PAPSS2: variants seen among roughly 807,000 people sequenced by gnomAD.
PAPSS2 encodes bifunctional 3'-phosphoadenosine 5'-phosphosulfate synthase 2.
A neutral mutation model predicts 66.5 loss-of-function variants in PAPSS2; 61 were observed. The observed-to-expected ratio is 0.92, with a 90% confidence interval of 0.75 to 1.14. The LOEUF is 1.14. PAPSS2 is among the 50% of genes most tolerant of loss of function. The probability of loss-of-function intolerance (pLI) is 0.00; values close to 1 mark genes in which losing one functional copy is unlikely to be tolerated. For missense variants in PAPSS2, 708 were observed against 789.6 expected, an observed-to-expected ratio of 0.90 and a Z score of 1.24; for synonymous variants, 289 against 287.5, an observed-to-expected ratio of 1.01 and a Z score of -0.05.
rs192454355 is a variant in PAPSS2, at chr10:87,728,632, C to T, written c.1086+1143C>T. Among the ~76,000 whole-genome samples the T allele has an allele frequency of 1.7e-3, 256 of 152,120 alleles. 1 individual carries two copies. Among genetic ancestry groups the T allele is most frequent in the Non-Finnish European group, 2.2e-3 (153 of 68,002 alleles). Reference sequence around the variant, plus strand: ...GCGGGCACCTGTAATCCCAGCTACTCAGGAGGCTAAAGCACGAGAGTTGCT... The same window carrying T: ...GCGGGCACCTGTAATCCCAGCTACTTAGGAGGCTAAAGCACGAGAGTTGCT... On this transcript the variant is annotated intron_variant, in intron 9 of 12. Transcript: ENST00000456849.
chr10:87,745,370 G>C, intron 12 of PAPSS2, 139 bp downstream of exon 12: 1 of 707,248 alleles, frequency 1.4e-6, no homozygotes, highest in Non-Finnish European at 2.5e-6. Flanking sequence ...GTCAAGACGT[G>C]GTCTTATAAA....
chr10:87,661,331 C>T (rs1852750167), intron 1 of PAPSS2, among the ~76,000 whole-genome samples: 1 of 152,066 alleles, frequency 6.6e-6, no homozygotes, highest in Admixed American at 6.6e-5. Context: ...TATCAAAATC[C>T]AGCTGCCTTT....
At chr10:87,715,922 G>A in intron 7 of PAPSS2, 79 bp downstream of exon 7, 5 of 908,968 alleles carry the variant, frequency 5.5e-6, no homozygotes, top group Non-Finnish European at 9.2e-6. Flanking sequence ...GCAGGAACAG[G>A]AAGTTAGTCT....
At chr10:87,666,783 A>G (rs1272848275) in intron 1 of PAPSS2, among the ~76,000 whole-genome samples, 1 of 152,076 alleles carries the variant, frequency 6.6e-6, no homozygotes, top group African/African-American at 2.4e-5. Flanking sequence ...AAGGTCCTTG[A>G]CATGTCCCCA....
chr10:87,667,805 A>G (rs926463750), intron 1 of PAPSS2, among the ~76,000 whole-genome samples: 11 of 152,232 alleles, frequency 7.2e-5, no homozygotes, highest in African/African-American at 2.7e-4. Context: ...AGTTACATAA[A>G]TATATTATGT....
At chr10:87,723,332 A>G (rs563994450) in intron 8 of PAPSS2, among the ~76,000 whole-genome samples, 1 of 152,282 alleles carries the variant, frequency 6.6e-6, no homozygotes, top group Admixed American at 6.5e-5. Flanking sequence ...GGATTTAATC[A>G]TCTTCCATCA....
intron 1 of PAPSS2, among the ~76,000 whole-genome samples, chr10:87,663,797 G>A (rs1852783766): frequency 6.6e-6 from 1 of 152,170 alleles, no homozygotes; most frequent in Admixed American, 6.5e-5. Flanking sequence ...GCCAGACCCA[G>A]AGTTAGTGCT....
At chr10:87,666,076 G>T (rs570588475) in intron 1 of PAPSS2, among the ~76,000 whole-genome samples, 201 of 150,836 alleles carry the variant, frequency 1.3e-3, no homozygotes, top group African/African-American at 4.7e-3. Flanking sequence ...CGATTCTCAC[G>T]CCTCGGCCTC....
chr10:87,745,762 C>T lies in PAPSS2; in HGVS notation c.1722-70C>T. 5 of 1,529,706 alleles carry T rather than the reference C, an allele frequency of 3.3e-6. No individual in the cohort carries two copies. The South Asian group carries it at 4.5e-5, about 14-fold the overall frequency. 94.8% of individuals were successfully genotyped at this position (1,529,706 alleles called of 1,614,324 possible). A position where few individuals can be genotyped will look rare whatever the true frequency, so the allele number is the denominator to read the frequency against. ...AGAACATGGGTCTCAAAAACCATAA[C>T]CTACTCCAGGAATCCTTAAGGCAGA... On this transcript the variant is annotated intron_variant, in intron 12 of 12. Coordinates refer to ENST00000456849, the MANE Select transcript of PAPSS2 (RefSeq NM_001015880.2).
intron 1 of PAPSS2, among the ~76,000 whole-genome samples, chr10:87,692,851 C>T (rs1468570846): frequency 6.6e-6 from 1 of 152,164 alleles, no homozygotes; most frequent in East Asian, 1.9e-4. Flanking sequence ...TGTGGCTGAG[C>T]AGATCACTGA....
chr10:87,698,305 A>G (rs895666700), intron 1 of PAPSS2, among the ~76,000 whole-genome samples: 1 of 152,346 alleles, frequency 6.6e-6, no homozygotes, highest in Admixed American at 6.5e-5. Flanking sequence ...GAATTGAAGA[A>G]AATGATAATT....
At chr10:87,725,295 T>C (rs1853645032) in intron 8 of PAPSS2, among the ~76,000 whole-genome samples, 1 of 152,180 alleles carries the variant, frequency 6.6e-6, no homozygotes, top group Admixed American at 6.5e-5. Context: ...CAGCTGTCAT[T>C]GGACATTTCT....
At chr10:87,682,988 T>C (rs1853041317) in intron 1 of PAPSS2, among the ~76,000 whole-genome samples, 1 of 152,224 alleles carries the variant, frequency 6.6e-6, no homozygotes, top group African/African-American at 2.4e-5. Context: ...TTCCAAGTTG[T>C]GTAGCTTCTC....
At chr10:87,733,320 A>G (rs568642938) in intron 9 of PAPSS2, among the ~76,000 whole-genome samples, 2 of 152,362 alleles carry the variant, frequency 1.3e-5, no homozygotes, top group South Asian at 2.1e-4. Flanking sequence ...CATGCGCTCA[A>G]ATGAAATCAT....
chr10:87,713,046 T>C (rs371097109), intron 2 of PAPSS2, 29 bp from the exon 3 acceptor site: 4 of 1,236,182 alleles, frequency 3.2e-6, no homozygotes, highest in Non-Finnish European at 4.8e-6. Context: ...TCCAGGCCGA[T>C]GTCAGTCTGT....
chr10:87,670,158 A>G (rs1303098704), intron 1 of PAPSS2, among the ~76,000 whole-genome samples: 6 of 152,250 alleles, frequency 3.9e-5, no homozygotes, highest in African/African-American at 1.2e-4. Context: ...CTCAACCTGT[A>G]TGGGTAATAG....
At chr10:87,729,935 G>A (rs1853708357) in intron 9 of PAPSS2, among the ~76,000 whole-genome samples, 8 of 152,104 alleles carry the variant, frequency 5.3e-5, no homozygotes, top group Admixed American at 5.2e-4. Flanking sequence ...AGTGGAGGTT[G>A]CACTGAGCCG....
At position 87,741,516 on chromosome 10, in the gene PAPSS2, T is replaced by G. The variant is rs1853869821; in HGVS notation, c.1222+146T>G. ...TTCAAGTAATTCTCCTGCCTCAGCC[T>G]CCTGAGTAGCTTGGATTACAGGTGC... On this transcript the variant is annotated intron_variant, in intron 10 of 12. Transcript: ENST00000456849. The G allele has an allele frequency of 9.8e-6, 7 of 712,466 alleles. No individual in the cohort carries two copies. In the South Asian group the frequency reaches 1.1e-4, roughly 11 times the overall value. 44.1% of individuals were successfully genotyped at this position (712,466 alleles called of 1,614,324 possible). A position where few individuals can be genotyped will look rare whatever the true frequency, so the allele number is the denominator to read the frequency against.
intron 6 of PAPSS2, 33 bp downstream of exon 6, chr10:87,715,131 C>A: frequency 9.5e-7 from 1 of 1,053,186 alleles, no homozygotes. Context: ...AATAATTAGG[C>A]TTAATATCAG....
Sources: gnomAD v4.1 joint callset for allele counts (sites outside exome capture counted in the v4.1 genomes callset) on GRCh38, gnomAD v4.1.1 for gene constraint, MANE v1.5 for transcripts, NCBI Gene and HGNC (gene_info 2026-07-23, HGNC 2026-07-21) for gene names.